Variants in GABRG1 observed in about 807,000 individuals in gnomAD.
GABRG1 encodes the protein gamma-aminobutyric acid receptor subunit gamma-1.
A neutral mutation model predicts 49.8 loss-of-function variants in GABRG1; 49 were observed. The ratio of observed to expected loss-of-function variants is 0.98; its 90% CI spans 0.78 to 1.25. The LOEUF (loss-of-function observed/expected upper bound fraction) is 1.25. Among genes scored for constraint, GABRG1 ranks in the 50% most tolerant of loss-of-function variants. The pLI, the probability that GABRG1 is intolerant of heterozygous loss-of-function variation, is 0.00. For missense variants in GABRG1, 552 were observed against 552.3 expected (o/e 1.00, Z 0.01); for synonymous variants, 232 against 185.1 (o/e 1.25, Z -2.06).
chr4:46,085,255 T>G (rs1826923), intron 2 of GABRG1, among the ~76,000 whole-genome samples: 88,102 of 151,024 alleles, frequency 0.58, 26,418 homozygotes, highest in African/African-American at 0.69. Flanking sequence ...TTATAGATAT[T>G]AGTTAACTGT....
intron 3 of GABRG1, among the ~76,000 whole-genome samples, chr4:46,079,472 G>A (rs1719482512): frequency 1.3e-5 from 2 of 151,910 alleles, no homozygotes; most frequent in South Asian, 4.2e-4. Flanking sequence ...TTTGCGATTG[G>A]AAAATATTTA....
chr4:46,090,576 G>C (rs1296060831), intron 2 of GABRG1, among the ~76,000 whole-genome samples: 1 of 151,860 alleles, frequency 6.6e-6, no homozygotes, highest in Non-Finnish European at 1.5e-5. Flanking sequence ...AAAGTATAAG[G>C]AGTAAAACAG....
intron 1 of GABRG1, among the ~76,000 whole-genome samples, chr4:46,102,781 C>T (rs1020877529): frequency 3.3e-5 from 5 of 151,622 alleles, no homozygotes; most frequent in Non-Finnish European, 7.4e-5. Context: ...AACTATATTA[C>T]TCTTCTACAT....
In GABRG1 at chr4:46,064,502, A is replaced by G. The variant is rs768603544; in HGVS notation, c.564T>C (p.Cys188=). 2 of 1,531,924 alleles carry G rather than the reference A, an allele frequency of 1.3e-6. No individual in the cohort carries two copies. The highest frequency in any genetic ancestry group is 1.8e-6 in the Non-Finnish European group (2 of 1,136,886). 94.9% of individuals were successfully genotyped at this position (1,531,924 alleles called of 1,614,324 possible). A position where few individuals can be genotyped will look rare whatever the true frequency, so the allele number is the denominator to read the frequency against. Reference sequence around the variant, plus strand: ...TGGGAAAGTTATGAAGCTGAAGATAACATTCTGCATTAATTGTCAATCTAT... The same window carrying G: ...TGGGAAAGTTATGAAGCTGAAGATAGCATTCTGCATTAATTGTCAATCTAT... ...YTLRLTINAE[C]YLQLHNFPMD... Residue 188 remains cysteine (C), a synonymous_variant, in exon 5 of 9, where the codon TGT becomes TGC. Coordinates refer to ENST00000295452, the MANE Select transcript of GABRG1 (RefSeq NM_173536.4).
chr4:46,045,081 A>C (rs1036976151), intron 8 of GABRG1, among the ~76,000 whole-genome samples: 2 of 152,084 alleles, frequency 1.3e-5, no homozygotes, highest in Non-Finnish European at 2.9e-5. Context: ...AACAATCATG[A>C]AGAAGTTTTG....
intron 1 of GABRG1, among the ~76,000 whole-genome samples, chr4:46,111,414 C>T (rs976394011): frequency 5.3e-5 from 8 of 150,988 alleles, no homozygotes; most frequent in Admixed American, 2.0e-4. Flanking sequence ...AAGGCCATAT[C>T]GGACAAAGCA....
At chr4:46,061,231 T>C (rs6847995) in intron 5 of GABRG1, among the ~76,000 whole-genome samples, 76,796 of 151,876 alleles carry the variant, frequency 0.51, 20,011 homozygotes, top group African/African-American at 0.63. Context: ...TATTTGGCTG[T>C]CTTATCCACT....
At chr4:46,105,707 A>G (rs1457588701) in intron 1 of GABRG1, among the ~76,000 whole-genome samples, 1 of 151,316 alleles carries the variant, frequency 6.6e-6, no homozygotes, top group African/African-American at 2.4e-5. Flanking sequence ...CAGACACATA[A>G]TCCTCCAATT....
At chr4:46,045,315 A>T (rs1717951748) in intron 8 of GABRG1, among the ~76,000 whole-genome samples, 1 of 152,106 alleles carries the variant, frequency 6.6e-6, no homozygotes, top group African/African-American at 2.4e-5. Context: ...AAAAGTGTTA[A>T]AATGAAATCT....
intron 1 of GABRG1, among the ~76,000 whole-genome samples, chr4:46,112,824 G>T (rs963765464): frequency 3.3e-5 from 5 of 150,746 alleles, no homozygotes; most frequent in African/African-American, 9.7e-5. Context: ...CTAACCATTG[G>T]GTACTATGAT....
intron 2 of GABRG1, 117 bp from the exon 3 acceptor site, chr4:46,084,170 CAT>C: frequency 1.6e-6 from 1 of 612,054 alleles, no homozygotes; most frequent in Non-Finnish European, 2.9e-6. Flanking sequence ...AATCATAAAA[CAT>C]CTTTTATTAT....
At chr4:46,042,373 A>G (rs1325365669) in intron 8 of GABRG1, among the ~76,000 whole-genome samples, 1 of 152,014 alleles carries the variant, frequency 6.6e-6, no homozygotes, top group Admixed American at 6.6e-5. Context: ...CAAGTAAAAG[A>G]TGAGTATTTC....
chr4:46,083,334 C>T (rs1469028997), intron 3 of GABRG1, among the ~76,000 whole-genome samples: 2 of 151,632 alleles, frequency 1.3e-5, no homozygotes, highest in Non-Finnish European at 2.9e-5. Flanking sequence ...GGACTCTTAC[C>T]TCCATCTTCT....
At chr4:46,041,344 G>T in intron 8 of GABRG1, 90 bp from the exon 9 acceptor site, 1 of 1,082,226 alleles carries the variant, frequency 9.2e-7, no homozygotes, top group Non-Finnish European at 1.3e-6. Flanking sequence ...CTAGGAGACT[G>T]ACAGGTAATG....
At chr4:46,053,872 T>C (rs544487830) in intron 7 of GABRG1, among the ~76,000 whole-genome samples, 2 of 152,006 alleles carry the variant, frequency 1.3e-5, no homozygotes, top group Non-Finnish European at 2.9e-5. Flanking sequence ...TATTTCTGAG[T>C]CCGTGATAAT....
intron 1 of GABRG1, among the ~76,000 whole-genome samples, chr4:46,109,733 A>T (rs1465416008): frequency 6.6e-6 from 1 of 151,086 alleles, no homozygotes; most frequent in African/African-American, 2.4e-5. Flanking sequence ...ATTTATTTCA[A>T]ATAATTTTTT....
intron 2 of GABRG1, among the ~76,000 whole-genome samples, chr4:46,093,760 T>A (rs1025074976): frequency 5.3e-5 from 8 of 151,922 alleles, no homozygotes; most frequent in African/African-American, 1.2e-4. Flanking sequence ...AAACTTTTTT[T>A]AAAAAAGGAG....
chr4:46,092,834 G>A (rs1014558668), intron 2 of GABRG1, among the ~76,000 whole-genome samples: 1 of 151,020 alleles, frequency 6.6e-6, no homozygotes, highest in East Asian at 1.9e-4. Context: ...GGCCGAGGTG[G>A]GTGGGTCACC....
intron 2 of GABRG1, among the ~76,000 whole-genome samples, chr4:46,088,366 T>A (rs1719859013): frequency 6.6e-6 from 1 of 152,006 alleles, no homozygotes; most frequent in South Asian, 2.1e-4. Flanking sequence ...GAAGATAAGT[T>A]TTTTTACACA....
Sources: allele counts gnomAD v4.1 joint callset (sites outside exome capture counted in the v4.1 genomes callset), GRCh38; gene constraint gnomAD v4.1.1; transcripts MANE v1.5; gene names NCBI Gene and HGNC (gene_info 2026-07-23, HGNC 2026-07-21).